RP1: variants seen among roughly 807,000 people sequenced by gnomAD.
RP1 encodes RP1 axonemal microtubule associated.
A neutral mutation model predicts 14.8 loss-of-function variants in RP1; 16 were observed. The observed-to-expected ratio is 1.08, with a 90% CI of 0.73 to 1.65. The LOEUF (loss-of-function observed/expected upper bound fraction) is 1.65. Among genes scored for constraint, RP1 ranks in the 40% most tolerant of loss-of-function variants. RP1 has a pLI of 0.00. For missense variants in RP1, 2,631 were observed against 2,535.0 expected (o/e 1.04, Z -0.81); for synonymous variants, 876 against 883.6 (o/e 0.99, Z 0.15).
chr8:54,613,662 G>C (rs560244665), upstream of RP1, among the ~76,000 whole-genome samples: 1 of 152,104 alleles, frequency 6.6e-6, no homozygotes, highest in Admixed American at 6.5e-5. Flanking sequence ...GGGAAGGCAG[G>C]GGTTCAAGAA....
chr8:54,659,104 C>T (rs1239697014), intron 6 of RP1, among the ~76,000 whole-genome samples: 1 of 151,908 alleles, frequency 6.6e-6, no homozygotes. Flanking sequence ...TGAAGGAGTT[C>T]CTTATTTTTT....
At chr8:54,621,694 C>CCT (rs1805883730) in intron 2 of RP1, 113 bp downstream of exon 2, 1 of 1,474,622 alleles carries the variant, frequency 6.8e-7, no homozygotes, top group Admixed American at 1.7e-5. Flanking sequence ...TTCCTCCCTG[C>CCT]CTGTGTATGT....
At chr8:54,616,256 T>C (rs1156439700) in intron 1 of RP1, 54 bp downstream of exon 1, 1 of 152,226 alleles carries the variant, frequency 6.6e-6, no homozygotes, top group African/African-American at 2.4e-5. Flanking sequence ...GTTTTGCTAG[T>C]TGTATTTTGT....
intron 1 of RP1, among the ~76,000 whole-genome samples, chr8:54,566,389 T>A (rs1002814702): frequency 2.0e-5 from 3 of 152,082 alleles, no homozygotes; most frequent in African/African-American, 7.2e-5. Flanking sequence ...AAAGTTAAAG[T>A]TTAATGATAA....
intron 1 of RP1, among the ~76,000 whole-genome samples, chr8:54,616,689 T>G (rs1036651560): frequency 2.0e-5 from 3 of 152,246 alleles, no homozygotes; most frequent in African/African-American, 7.2e-5. Context: ...AGAATGAACA[T>G]TCTGTACATT....
chr8:54,660,782 C>T (rs1392971022), intron 6 of RP1, among the ~76,000 whole-genome samples: 1 of 151,970 alleles, frequency 6.6e-6, no homozygotes, highest in African/African-American at 2.4e-5. Context: ...TTTTGTATTT[C>T]AGTTTACCCA....
intron 19 of RP1, among the ~76,000 whole-genome samples, chr8:54,742,901 C>T (rs1171621925): frequency 6.6e-6 from 1 of 152,136 alleles, no homozygotes; most frequent in Non-Finnish European, 1.5e-5. Context: ...GAGGAAAAAA[C>T]ATCCCCAGCA....
chr8:54,585,067 C>T (rs762126171), intron 1 of RP1, among the ~76,000 whole-genome samples: 11 of 152,206 alleles, frequency 7.2e-5, no homozygotes, highest in Admixed American at 3.9e-4. Flanking sequence ...TTATTTTGCT[C>T]GTTAGTTGAT....
chr8:54,803,434 G>A (rs538637477), intron 24 of RP1, among the ~76,000 whole-genome samples: 29 of 152,286 alleles, frequency 1.9e-4, no homozygotes, highest in African/African-American at 6.7e-4. Context: ...TTTTGACTCT[G>A]TAACAGTTGA....
intron 24 of RP1, among the ~76,000 whole-genome samples, chr8:54,814,961 A>G (rs1241717525): frequency 1.3e-5 from 2 of 152,238 alleles, no homozygotes; most frequent in African/African-American, 2.4e-5. Context: ...GTGAGCCGAG[A>G]TTGCACCACT....
At chr8:54,739,115 T>G in intron 19 of RP1, 36 of 918,646 alleles carry the variant, frequency 3.9e-5, no homozygotes, top group Middle Eastern at 2.2e-4. Context: ...AAAACGGTAT[T>G]TTCCTAATTA....
In RP1 at chr8:54,835,696, T is replaced by C. The variant is rs181295414; in HGVS notation, c.3616-1754T>C. ...ATGGGGGCACTGAAGCTTAGAGAGG[T>C]TGAAAAACTTGCTGCAGTTCACACA... On this transcript the variant is annotated intron_variant, in intron 24 of 28. Transcript: ENST00000637698. Among the ~76,000 whole-genome samples, 234 of 152,212 alleles carry C rather than the reference T, an allele frequency of 1.5e-3. 2 individuals carry two copies. The highest frequency in any genetic ancestry group is 5.5e-3 in the African/African-American group (227 of 41,534).
chr8:54,742,749 A>G (rs947729841), intron 19 of RP1, among the ~76,000 whole-genome samples: 1 of 152,242 alleles, frequency 6.6e-6, no homozygotes. Flanking sequence ...AAGGTGAGTC[A>G]GAACTAAAAT....
chr8:54,852,456 G>A (rs1263221676), intron 25 of RP1: 2 of 647,916 alleles, frequency 3.1e-6, no homozygotes, highest in Non-Finnish European at 4.4e-6. Flanking sequence ...AAAAAGAGTT[G>A]GGGCCAAGTA....
intron 1 of RP1, among the ~76,000 whole-genome samples, chr8:54,598,774 G>A (rs1190597532): frequency 1.3e-5 from 2 of 152,198 alleles, no homozygotes; most frequent in Non-Finnish European, 2.9e-5. Context: ...GTAGCACTTA[G>A]AAAATGGTTG....
rs143901483 is a variant in RP1 at position 54,627,552 on chromosome 8, A to G, written c.3670A>G (p.Ser1224Gly). ...CAACATTCAGAGTGTTCCTAAGTGC[A>G]GTGAAAATGAAAGAACACAAGGAAT... ...TVNIQSVPKC[S>G]ENERTQGISS... Residue 1224 changes from serine (S) to glycine (G), a missense_variant, in exon 4 of 4, where the codon AGT (serine) becomes GGT (glycine). Coordinates refer to ENST00000220676, the MANE Select transcript of RP1 (RefSeq NM_006269.2). 5 of 1,614,076 alleles carry G rather than the reference A, an allele frequency of 3.1e-6. No homozygotes were observed. The highest frequency in any genetic ancestry group is 4.2e-6 in the Non-Finnish European group (5 of 1,179,996).
chr8:54,755,056 C>A, intron 20 of RP1: 1 of 1,112,200 alleles, frequency 9.0e-7, no homozygotes, highest in Non-Finnish European at 1.2e-6. Context: ...AGTTGTTTTA[C>A]TCTTGAGAAG....
intron 25 of RP1, among the ~76,000 whole-genome samples, chr8:54,848,183 C>A (rs1045223087): frequency 2.6e-5 from 4 of 152,160 alleles, no homozygotes; most frequent in Non-Finnish European, 2.9e-5. Flanking sequence ...GCAGTCATCT[C>A]GGGCAGCAAA....
chr8:54,621,702 T>C, intron 2 of RP1, 121 bp downstream of exon 2: 1 of 1,377,634 alleles, frequency 7.3e-7, no homozygotes, highest in Non-Finnish European at 1.0e-6. Context: ...TGCCTGTGTA[T>C]GTGAGTGTGT....
Sources: allele counts gnomAD v4.1 joint callset (sites outside exome capture counted in the v4.1 genomes callset), GRCh38; gene constraint gnomAD v4.1.1; transcripts MANE v1.5; gene names NCBI Gene and HGNC (gene_info 2026-07-23, HGNC 2026-07-21).